Variants in NBAS observed in about 807,000 individuals in gnomAD.
NBAS encodes NBAS subunit of NRZ tethering complex.
NBAS carries 219 observed loss-of-function variants against 302.5 expected under a neutral mutation model. The ratio of observed to expected loss-of-function variants is 0.72; its 90% CI spans 0.65 to 0.81. NBAS has a LOEUF of 0.81. Among genes scored for constraint, NBAS ranks in the 30% least tolerant of loss-of-function variants. The pLI is 0.00. For missense variants in NBAS, 2,932 were observed against 2,841.6 expected, an observed-to-expected ratio of 1.03 and a Z score of -0.72; for synonymous variants, 1,118 against 1,021.6, an observed-to-expected ratio of 1.09 and a Z score of -1.80.
At chr2:15,009,603 TACAC>T in the NBAS span, among the ~76,000 whole-genome samples, 9,239 of 130,570 alleles carry the variant, frequency 0.071, 314 homozygotes, top group African/African-American at 0.094. Flanking sequence ...TGCAACATCA[TACAC>T]ACACACACAC....
the NBAS span, among the ~76,000 whole-genome samples, chr2:15,151,647 C>T: frequency 6.6e-6 from 1 of 152,136 alleles, no homozygotes; most frequent in African/African-American, 2.4e-5. Flanking sequence ...ATCGTAGAAA[C>T]TCAGTTGTAA....
chr2:15,479,339 A>T lies in NBAS; in HGVS notation c.1084-1050T>A, dbSNP rs142739574. Among the ~76,000 whole-genome samples, 157 of 152,356 alleles carry T rather than the reference A, an allele frequency of 1.0e-3. 1 individual carries two copies. The highest frequency in any genetic ancestry group is 3.6e-3 in the African/African-American group (150 of 41,584). ...AATCATTTAAAAAAATAAGATACAT[A>T]TTATTGAAAACAGTCAACTAAACTG... On this transcript the variant is annotated intron_variant, in intron 12 of 51. Transcript: ENST00000281513.
At chr2:15,097,532 G>A in the NBAS span, among the ~76,000 whole-genome samples, 1 of 152,116 alleles carries the variant, frequency 6.6e-6, no homozygotes, top group Non-Finnish European at 1.5e-5. Flanking sequence ...TTTGATGCTG[G>A]AAGTCTGAGA....
At chr2:15,237,304 T>A (rs1488829942) in intron 45 of NBAS, among the ~76,000 whole-genome samples, 1 of 152,074 alleles carries the variant, frequency 6.6e-6, no homozygotes, top group African/African-American at 2.4e-5. Flanking sequence ...TCCTAACACC[T>A]GCGTTTTCAA....
chr2:15,432,838 C>T (rs1677829787), intron 21 of NBAS, among the ~76,000 whole-genome samples: 1 of 152,146 alleles, frequency 6.6e-6, no homozygotes, highest in African/African-American at 2.4e-5. Flanking sequence ...TCACTCATAA[C>T]ACCAAGTCGA....
chr2:14,893,041 T>C, the NBAS span, among the ~76,000 whole-genome samples: 1 of 152,226 alleles, frequency 6.6e-6, no homozygotes. Context: ...CATTGCTTCA[T>C]AATGTTTTTA....
At chr2:15,013,967 A>T in the NBAS span, among the ~76,000 whole-genome samples, 1 of 152,140 alleles carries the variant, frequency 6.6e-6, no homozygotes, top group Non-Finnish European at 1.5e-5. Flanking sequence ...AAGATATTCC[A>T]CGTAAAAGGA....
At chr2:14,868,638 T>G in the NBAS span, among the ~76,000 whole-genome samples, 1 of 152,186 alleles carries the variant, frequency 6.6e-6, no homozygotes, top group South Asian at 2.1e-4. Context: ...CTGTGGTTTC[T>G]TCAGTGATTG....
At chr2:14,872,408 A>AT in the NBAS span, among the ~76,000 whole-genome samples, 30 of 151,542 alleles carry the variant, frequency 2.0e-4, no homozygotes, top group South Asian at 4.8e-3. Context: ...GAATATGCAT[A>AT]TTTTTTTTCT....
the NBAS span, among the ~76,000 whole-genome samples, chr2:14,909,343 C>T: frequency 4.2e-5 from 5 of 118,386 alleles, no homozygotes; most frequent in East Asian, 6.3e-4. Flanking sequence ...AAAAGAGAAC[C>T]GCTAAGCCTA....
chr2:15,387,655 A>G (rs1377892744), intron 28 of NBAS, among the ~76,000 whole-genome samples: 4 of 150,094 alleles, frequency 2.7e-5, no homozygotes, highest in South Asian at 2.1e-4. Context: ...TTTTTAAGAC[A>G]GTGTCTTACT....
At chr2:15,190,656 C>G (rs1665309305) in intron 48 of NBAS, among the ~76,000 whole-genome samples, 1 of 152,114 alleles carries the variant, frequency 6.6e-6, no homozygotes, top group African/African-American at 2.4e-5. Flanking sequence ...AAGCAGACTT[C>G]CACAGAACTG....
chr2:15,045,534 A>C, the NBAS span, among the ~76,000 whole-genome samples: 1 of 152,290 alleles, frequency 6.6e-6, no homozygotes, highest in Middle Eastern at 3.4e-3. Flanking sequence ...AATTTAAAAA[A>C]ATGTGGTGTA....
chr2:14,823,671 CTT>C, the NBAS span, among the ~76,000 whole-genome samples: 1 of 152,156 alleles, frequency 6.6e-6, no homozygotes, highest in Non-Finnish European at 1.5e-5. Flanking sequence ...GACATTAAAA[CTT>C]TTAAAAATGG....
At chr2:15,276,744 G>A (rs1669599107) in intron 43 of NBAS, 107 bp downstream of exon 43, 6 of 1,543,068 alleles carry the variant, frequency 3.9e-6, no homozygotes, top group Non-Finnish European at 4.5e-6. Flanking sequence ...AAATTCTGTG[G>A]TTTCAGAGCT....
chr2:14,848,253 T>C, the NBAS span, among the ~76,000 whole-genome samples: 1 of 150,924 alleles, frequency 6.6e-6, no homozygotes, highest in East Asian at 1.9e-4. Flanking sequence ...GGGCGAGGCA[T>C]TGCCTCACCT....
the NBAS span, among the ~76,000 whole-genome samples, chr2:15,097,147 C>T: frequency 1.3e-5 from 2 of 152,130 alleles, no homozygotes; most frequent in Non-Finnish European, 2.9e-5. Flanking sequence ...GTAGCACCTT[C>T]TGTCAGTCAC....
At chr2:15,098,547 AAT>A in the NBAS span, among the ~76,000 whole-genome samples, 544 of 88,732 alleles carry the variant, frequency 6.1e-3, 7 homozygotes, top group African/African-American at 0.028. Flanking sequence ...TATTGTATAT[AAT>A]ATGTTATATA....
the NBAS span, among the ~76,000 whole-genome samples, chr2:15,125,134 G>A: frequency 1.3e-5 from 2 of 152,204 alleles, no homozygotes; most frequent in East Asian, 3.9e-4. Context: ...AAAGCCACAG[G>A]ATGGAGCCAC....
Sources: allele counts gnomAD v4.1 joint callset (sites outside exome capture counted in the v4.1 genomes callset), GRCh38; gene constraint gnomAD v4.1.1; transcripts MANE v1.5; gene names NCBI Gene and HGNC (gene_info 2026-07-23, HGNC 2026-07-21).